PTAR1: variants seen among roughly 807,000 people sequenced by gnomAD.
PTAR1 encodes protein prenyltransferase alpha subunit repeat-containing protein 1.
PTAR1 carries 17 observed loss-of-function variants against 45.5 expected under a neutral mutation model. The ratio of observed to expected loss-of-function variants is 0.37; its 90% confidence interval spans 0.26 to 0.56. The LOEUF is 0.56. PTAR1 is among the 20% of genes least tolerant of loss of function. The pLI is 0.77. For synonymous variants in PTAR1, 169 were observed against 171.3 expected, an observed-to-expected ratio of 0.99 and a Z score of 0.11; for missense variants, 391 against 476.3, an observed-to-expected ratio of 0.82 and a Z score of 1.67.
At chr9:69,742,676 C>T (rs143523188) in intron 2 of PTAR1, among the ~76,000 whole-genome samples, 1,789 of 152,142 alleles carry the variant, frequency 0.012, 18 homozygotes, top group Non-Finnish European at 0.02. Flanking sequence ...TAGACTGTAT[C>T]TATTTATACT....
In PTAR1 at chr9:69,750,893, G is replaced by A. The variant is rs370499619; in HGVS notation, c.144C>T (p.Val48=). 1.7e-4 allele frequency: 272 copies of A among 1,609,738 alleles called. No individual in the cohort carries two copies. Among genetic ancestry groups the A allele is most frequent in the Admixed American group, 4.4e-4 (26 of 59,464 alleles). The change falls in exon 2 of 8, where the codon GTC becomes GTT. Residue 48 remains valine (V), a synonymous_variant. Transcript: ENST00000340434. ...CCACACCCAGTTTGTTTTCAACCAGGACTATGGGACTCCGGTTATACCTAG... is the reference window on the plus strand; with the variant it reads ...CCACACCCAGTTTGTTTTCAACCAGAACTATGGGACTCCGGTTATACCTAG... ...PEARYNRSPI[V]LVENKLGVES... is the part of the protein sequence containing the mutation.
intron 2 of PTAR1, among the ~76,000 whole-genome samples, chr9:69,743,999 T>C (rs1403724272): frequency 6.6e-6 from 1 of 152,150 alleles, no homozygotes; most frequent in Non-Finnish European, 1.5e-5. Flanking sequence ...CTTACCATAC[T>C]GGAAAAAGTA....
chr9:69,729,898 T>C (rs1442881445), intron 5 of PTAR1, among the ~76,000 whole-genome samples: 2 of 152,220 alleles, frequency 1.3e-5, no homozygotes, highest in Non-Finnish European at 1.5e-5. Flanking sequence ...AGTAAGCTTA[T>C]AACAATTTGA....
At chr9:69,754,229 CCT>C (rs1191845926) in intron 1 of PTAR1, among the ~76,000 whole-genome samples, 1 of 152,070 alleles carries the variant, frequency 6.6e-6, no homozygotes, top group African/African-American at 2.4e-5. Context: ...GGACTGCATT[CCT>C]CTGTCATTTC....
intron 3 of PTAR1, among the ~76,000 whole-genome samples, chr9:69,741,051 C>CT (rs1221262727): frequency 7.9e-5 from 12 of 152,112 alleles, no homozygotes; most frequent in African/African-American, 2.7e-4. Flanking sequence ...CTAATGGCTA[C>CT]TGTACTGGAT....
chr9:69,728,531 T>C (rs1825388850), intron 5 of PTAR1, among the ~76,000 whole-genome samples: 1 of 152,192 alleles, frequency 6.6e-6, no homozygotes, highest in Admixed American at 6.5e-5. Context: ...TGTGAAGTGG[T>C]ATCTCACTCC....
At chr9:69,749,163 A>C (rs1826412902) in intron 2 of PTAR1, among the ~76,000 whole-genome samples, 1 of 152,168 alleles carries the variant, frequency 6.6e-6, no homozygotes, top group African/African-American at 2.4e-5. Context: ...AAGGACAAAA[A>C]CAGAGAAATG....
chr9:69,737,046 T>C (rs1825819715), intron 3 of PTAR1, among the ~76,000 whole-genome samples: 1 of 152,146 alleles, frequency 6.6e-6, no homozygotes, highest in African/African-American at 2.4e-5. Flanking sequence ...GGAAATATGA[T>C]ATGTGGTAAC....
At chr9:69,742,902 A>G (rs920353104) in intron 2 of PTAR1, among the ~76,000 whole-genome samples, 1 of 152,134 alleles carries the variant, frequency 6.6e-6, no homozygotes, top group African/African-American at 2.4e-5. Flanking sequence ...ATACATTCAA[A>G]TAAGCACCAT....
At chr9:69,730,446 C>T (rs1171630632) in intron 5 of PTAR1, among the ~76,000 whole-genome samples, 1 of 151,078 alleles carries the variant, frequency 6.6e-6, no homozygotes, top group East Asian at 1.9e-4. Flanking sequence ...ACCTGGACTC[C>T]GCCTTCCTTT....
At chr9:69,719,163 A>G (rs1052354438) in intron 6 of PTAR1, among the ~76,000 whole-genome samples, 5 of 152,166 alleles carry the variant, frequency 3.3e-5, no homozygotes, top group South Asian at 2.1e-4. Context: ...TAAAAATAAC[A>G]TATCTGTTGT....
At chr9:69,740,409 G>GGT (rs146447813) in intron 3 of PTAR1, among the ~76,000 whole-genome samples, 2,415 of 150,118 alleles carry the variant, frequency 0.016, 60 homozygotes, top group African/African-American at 0.05. Context: ...TATGTATACA[G>GGT]GTGTGTGTGT....
chr9:69,741,587 A>G, intron 3 of PTAR1: 1 of 548,262 alleles, frequency 1.8e-6, no homozygotes, highest in Non-Finnish European at 3.3e-6. Context: ...ATGACAATTT[A>G]TATTTCAGGC....
intron 6 of PTAR1, among the ~76,000 whole-genome samples, chr9:69,719,817 GATT>G (rs1255634681): frequency 6.6e-6 from 1 of 152,050 alleles, no homozygotes; most frequent in Non-Finnish European, 1.5e-5. Flanking sequence ...ACTTTTTCAA[GATT>G]ATTATATCTG....
intron 6 of PTAR1, among the ~76,000 whole-genome samples, chr9:69,722,708 G>A (rs958749078): frequency 6.6e-6 from 1 of 151,810 alleles, no homozygotes; most frequent in Non-Finnish European, 1.5e-5. Flanking sequence ...GGAGGCCAAG[G>A]CAGGCAGATC....
intron 3 of PTAR1, among the ~76,000 whole-genome samples, chr9:69,736,635 T>A (rs1467025534): frequency 6.6e-6 from 1 of 152,220 alleles, no homozygotes; most frequent in Non-Finnish European, 1.5e-5. Flanking sequence ...TTATTATTTA[T>A]AACTGTCTAC....
intron 2 of PTAR1, among the ~76,000 whole-genome samples, chr9:69,749,398 T>C (rs1393833533): frequency 6.6e-6 from 1 of 152,150 alleles, no homozygotes; most frequent in Non-Finnish European, 1.5e-5. Flanking sequence ...TCATATGGTG[T>C]TACTTTTTAC....
chr9:69,715,571 C>T lies in PTAR1; in HGVS notation c.*2771G>A, dbSNP rs1824697123. The T allele has an allele frequency of 6.6e-6, 1 of 152,018 alleles. No individual in the cohort carries two copies. The highest frequency in any genetic ancestry group is 6.6e-5 in the Admixed American group (1 of 15,224). 9.4% of individuals were successfully genotyped at this position (152,018 alleles called of 1,614,324 possible). A position where few individuals can be genotyped will look rare whatever the true frequency, so the allele number is the denominator to read the frequency against. On this transcript the variant is annotated 3_prime_UTR_variant, in exon 8 of 8. Coordinates refer to ENST00000340434, the MANE Select transcript of PTAR1 (RefSeq NM_001099666.2). ...ATTCTTAATCCACAGTAGGATGACC[C>T]ACTGTTCTTCCAGTGAAAGTTTAAT...
chr9:69,734,015 A>G lies in PTAR1; in HGVS notation c.428+135T>C. 3 of 590,208 alleles carry G rather than the reference A, an allele frequency of 5.1e-6. No individual in the cohort carries two copies. In the South Asian group the frequency reaches 6.8e-5, roughly 13 times the overall value. 36.6% of individuals were successfully genotyped at this position (590,208 alleles called of 1,614,324 possible). A position where few individuals can be genotyped will look rare whatever the true frequency, so the allele number is the denominator to read the frequency against. ...AGGTAGCAAGTTATATAGCTCCTAG[A>G]TTTAAATGTAGGTAACCTGACTTCA... On this transcript the variant is annotated intron_variant, in intron 4 of 7. Coordinates refer to ENST00000340434, the MANE Select transcript of PTAR1 (RefSeq NM_001099666.2).
Sources: gnomAD v4.1 joint callset for allele counts (sites outside exome capture counted in the v4.1 genomes callset) on GRCh38, gnomAD v4.1.1 for gene constraint, MANE v1.5 for transcripts, NCBI Gene and HGNC (gene_info 2026-07-23, HGNC 2026-07-21) for gene names.